SNCAIP: variants seen among roughly 807,000 people sequenced by gnomAD.
The protein encoded by SNCAIP is synuclein alpha interacting protein.
Under a neutral mutation model 86.7 loss-of-function variants are expected in SNCAIP, and 43 were observed. The ratio of observed to expected loss-of-function variants is 0.50; its 90% CI spans 0.39 to 0.64. The LOEUF (loss-of-function observed/expected upper bound fraction) is 0.64, where lower values mean the gene tolerates loss of function less well. Among genes scored for constraint, SNCAIP ranks in the 30% least tolerant of loss-of-function variants. The pLI, the probability that SNCAIP is intolerant of heterozygous loss-of-function variation, is 0.00. For synonymous variants in SNCAIP, 417 were observed against 427.2 expected (o/e 0.98, Z 0.29); for missense variants, 981 against 1,103.1 (o/e 0.89, Z 1.57).
intron 1 of SNCAIP, among the ~76,000 whole-genome samples, chr5:122,358,666 G>A (rs962729319): frequency 2.6e-5 from 4 of 152,022 alleles, no homozygotes; most frequent in Non-Finnish European, 4.4e-5. Context: ...TTATGACTGT[G>A]GGTTGTTATT....
intron 2 of SNCAIP, 117 bp from the exon 3 acceptor site, chr5:122,403,676 T>G: frequency 1.2e-6 from 1 of 857,346 alleles, no homozygotes; most frequent in Non-Finnish European, 2.0e-6. Flanking sequence ...ATAAATTTTC[T>G]GAATATACAT....
Position 122,463,678 on chromosome 5 carries a change from C to T in SNCAIP, c.*182C>T. 1.7e-6 allele frequency: 1 copy of T among 604,208 alleles called. No homozygotes were observed. Among genetic ancestry groups the T allele is most frequent in the Non-Finnish European group, 2.9e-6 (1 of 343,586 alleles). 37.4% of individuals were successfully genotyped at this position (604,208 alleles called of 1,614,324 possible). ...AACCATGAAAACAATGCCTCACCAG[C>T]AGAAGAACAGAATATCAGGATGCCT... is the stretch of plus-strand genomic sequence containing the variant. On this transcript the variant is annotated 3_prime_UTR_variant, in exon 11 of 11. Transcript: ENST00000261368.
intron 1 of SNCAIP, among the ~76,000 whole-genome samples, chr5:122,335,901 C>A (rs545727355): frequency 1.3e-5 from 2 of 152,316 alleles, no homozygotes; most frequent in South Asian, 4.2e-4. Context: ...CAACATCTTT[C>A]CCAGGAGCTG....
At chr5:122,380,023 C>T (rs7378517) in intron 1 of SNCAIP, among the ~76,000 whole-genome samples, 27,656 of 151,044 alleles carry the variant, frequency 0.18, 3,138 homozygotes, top group Non-Finnish European at 0.27. Flanking sequence ...TGTCTCTGCC[C>T]GGCTTTGGTA....
At chr5:122,352,714 A>G (rs1382552093) in intron 1 of SNCAIP, among the ~76,000 whole-genome samples, 3 of 152,170 alleles carry the variant, frequency 2.0e-5, no homozygotes, top group African/African-American at 7.2e-5. Flanking sequence ...CAAACAATTC[A>G]TTTCAACCAT....
intron 1 of SNCAIP, chr5:122,370,083 A>G (rs909248592): frequency 3.3e-5 from 5 of 152,204 alleles, no homozygotes; most frequent in Non-Finnish European, 7.4e-5. Flanking sequence ...TGTTCCCAAC[A>G]CTAAGAAAAA....
chr5:122,437,824 G>A (rs1229042315), intron 6 of SNCAIP, among the ~76,000 whole-genome samples: 3 of 152,136 alleles, frequency 2.0e-5, no homozygotes, highest in Non-Finnish European at 4.4e-5. Context: ...TGTATGTCTT[G>A]TTCTCCCAGA....
chr5:122,412,362 C>T (rs996234396), intron 3 of SNCAIP, among the ~76,000 whole-genome samples: 1 of 152,182 alleles, frequency 6.6e-6, no homozygotes, highest in Non-Finnish European at 1.5e-5. Context: ...AAGGTCACGG[C>T]TTCCATGCTG....
chr5:122,366,769 C>G (rs536290217), intron 1 of SNCAIP, among the ~76,000 whole-genome samples: 1 of 152,032 alleles, frequency 6.6e-6, no homozygotes, highest in South Asian at 2.1e-4. Flanking sequence ...AACGGAGTTG[C>G]GGCCATCTTC....
chr5:122,432,165 A>T, intron 6 of SNCAIP, 83 bp downstream of exon 6: 1 of 728,542 alleles, frequency 1.4e-6, no homozygotes. Flanking sequence ...TCAAAATCCA[A>T]ACATAAGAAA....
At chr5:122,328,488 A>G (rs1174772939) in intron 1 of SNCAIP, among the ~76,000 whole-genome samples, 3 of 152,208 alleles carry the variant, frequency 2.0e-5, no homozygotes, top group African/African-American at 7.2e-5. Context: ...AATATTTTCC[A>G]ATATCTAAAC....
intron 2 of SNCAIP, chr5:122,400,948 A>G (rs982771485): frequency 2.0e-5 from 31 of 1,516,664 alleles, no homozygotes; most frequent in Non-Finnish European, 2.4e-5. Context: ...ATGCTTCTTC[A>G]TTAACTGCAA....
chr5:122,350,747 C>G (rs1424881268), intron 1 of SNCAIP, among the ~76,000 whole-genome samples: 1 of 152,192 alleles, frequency 6.6e-6, no homozygotes, highest in Non-Finnish European at 1.5e-5. Context: ...TGCCTGCAGG[C>G]TGCTTTGCAG....
intron 1 of SNCAIP, among the ~76,000 whole-genome samples, chr5:122,316,885 A>C (rs995903623): frequency 1.3e-5 from 2 of 152,218 alleles, no homozygotes; most frequent in Non-Finnish European, 2.9e-5. Context: ...GCTTCACACA[A>C]TTAGTCTGAA....
intron 6 of SNCAIP, chr5:122,437,476 C>G (rs1020478856): frequency 2.0e-5 from 3 of 152,096 alleles, no homozygotes; most frequent in Admixed American, 2.0e-4. Flanking sequence ...TACTTCTCTG[C>G]ATTGTATAAT....
chr5:122,439,610 A>G (rs1397670334), intron 6 of SNCAIP, among the ~76,000 whole-genome samples: 1 of 152,182 alleles, frequency 6.6e-6, no homozygotes, highest in African/African-American at 2.4e-5. Context: ...GGCAAATTTA[A>G]TCCAGAAAAG....
At chr5:122,429,215 G>A (rs1434451418) in intron 5 of SNCAIP, among the ~76,000 whole-genome samples, 1 of 151,758 alleles carries the variant, frequency 6.6e-6, no homozygotes, top group Non-Finnish European at 1.5e-5. Flanking sequence ...ATTAAAAGAG[G>A]AGGAGAGGAA....
At chr5:122,436,809 TA>T (rs1779591149) in intron 6 of SNCAIP, 1 of 152,192 alleles carries the variant, frequency 6.6e-6, no homozygotes, top group Non-Finnish European at 1.5e-5. Flanking sequence ...TCACATGAGA[TA>T]ATTGCCTCTT....
intron 1 of SNCAIP, among the ~76,000 whole-genome samples, chr5:122,356,311 C>T (rs1761008159): frequency 6.6e-6 from 1 of 151,682 alleles, no homozygotes; most frequent in Non-Finnish European, 1.5e-5. Context: ...AGTGACAAGG[C>T]CTCCCTACAT....
Sources: allele counts gnomAD v4.1 joint callset (sites outside exome capture counted in the v4.1 genomes callset), GRCh38; gene constraint gnomAD v4.1.1; transcripts MANE v1.5; gene names NCBI Gene and HGNC (gene_info 2026-07-23, HGNC 2026-07-21).